COBL: variants seen among roughly 807,000 people sequenced by gnomAD.
COBL encodes the protein cordon-bleu WH2 repeat protein, also known as protein cordon-bleu.
COBL carries 51 observed loss-of-function variants against 98.8 expected under a neutral mutation model. The ratio of observed to expected loss-of-function variants is 0.52; its 90% confidence interval spans 0.41 to 0.65. The LOEUF is 0.65. Ranked by LOEUF, COBL falls within the 30% of genes least tolerant of loss-of-function variation. The pLI, the probability that COBL is intolerant of heterozygous loss-of-function variation, is 0.00. For missense variants in COBL, 1,617 were observed against 1,617.5 expected (o/e 1.00, Z 0.01); for synonymous variants, 634 against 651.7 (o/e 0.97, Z 0.41).
intron 1 of COBL, among the ~76,000 whole-genome samples, chr7:51,240,435 G>A (rs186568413): frequency 6.6e-6 from 1 of 152,356 alleles, no homozygotes; most frequent in East Asian, 1.9e-4. Context: ...TCCTTCATCA[G>A]AGCAGCCACA....
At chr7:51,118,722 A>G (rs1797498922) in intron 6 of COBL, among the ~76,000 whole-genome samples, 1 of 152,120 alleles carries the variant, frequency 6.6e-6, no homozygotes, top group African/African-American at 2.4e-5. Flanking sequence ...AGGTTCAATA[A>G]CTTCCCCAAG....
intron 2 of COBL, among the ~76,000 whole-genome samples, chr7:51,217,890 T>C (rs2129085595): frequency 6.6e-6 from 1 of 152,318 alleles, no homozygotes; most frequent in East Asian, 1.9e-4. Context: ...GCATGAACCC[T>C]GGGGGGAAAG....
chr7:51,311,277 A>G (rs1213480377), intron 1 of COBL, among the ~76,000 whole-genome samples: 1 of 152,200 alleles, frequency 6.6e-6, no homozygotes, highest in Non-Finnish European at 1.5e-5. Flanking sequence ...GAGCAGAGGG[A>G]AGCGTGCTAA....
chr7:51,264,561 C>G (rs1368233000), intron 1 of COBL, among the ~76,000 whole-genome samples: 1 of 150,750 alleles, frequency 6.6e-6, no homozygotes, highest in African/African-American at 2.4e-5. Flanking sequence ...ATCCCAGCTA[C>G]TCGGGAGGCT....
chr7:51,237,339 CATA>C (rs549719289), intron 1 of COBL, among the ~76,000 whole-genome samples: 58 of 152,264 alleles, frequency 3.8e-4, no homozygotes, highest in African/African-American at 1.3e-3. Context: ...TCTGCATCCT[CATA>C]ATAATTTGTC....
At chr7:51,203,416 C>A (rs533220712) in intron 2 of COBL, among the ~76,000 whole-genome samples, 1 of 106,310 alleles carries the variant, frequency 9.4e-6, no homozygotes, top group Non-Finnish European at 1.8e-5. Context: ...GAGCCGAGAT[C>A]GCGCCACTGC....
At chr7:51,221,579 A>G (rs772022248) in intron 1 of COBL, among the ~76,000 whole-genome samples, 3 of 152,236 alleles carry the variant, frequency 2.0e-5, no homozygotes, top group Admixed American at 6.5e-5. Flanking sequence ...AACAAGTTTC[A>G]GAATATTATT....
intron 7 of COBL, among the ~76,000 whole-genome samples, chr7:51,077,109 C>T (rs1310224463): frequency 1.3e-5 from 2 of 152,106 alleles, no homozygotes; most frequent in African/African-American, 4.8e-5. Context: ...CAAGCTGATT[C>T]GAAAGTTATG....
At chr7:51,301,033 C>T (rs1801905261) in intron 1 of COBL, among the ~76,000 whole-genome samples, 1 of 152,132 alleles carries the variant, frequency 6.6e-6, no homozygotes, top group African/African-American at 2.4e-5. Context: ...TCCCACGTGC[C>T]TCACTGTTAA....
chr7:51,021,437 C>A (rs1786923923), intron 12 of COBL, among the ~76,000 whole-genome samples: 1 of 152,152 alleles, frequency 6.6e-6, no homozygotes, highest in South Asian at 2.1e-4. Context: ...CTCAAACAAT[C>A]CTCCTACCTT....
chr7:51,170,768 A>G (rs1169464893), intron 5 of COBL, among the ~76,000 whole-genome samples: 1 of 152,034 alleles, frequency 6.6e-6, no homozygotes, highest in African/African-American at 2.4e-5. Context: ...AGAGCGGAGT[A>G]GAAGGATGGG....
intron 1 of COBL, among the ~76,000 whole-genome samples, chr7:51,307,888 T>C (rs907930937): frequency 5.3e-5 from 8 of 152,236 alleles, no homozygotes; most frequent in African/African-American, 1.4e-4. Flanking sequence ...ATTGGGTGGC[T>C]TGGCTCTTGT....
intron 1 of COBL, among the ~76,000 whole-genome samples, chr7:51,290,827 G>C (rs964960840): frequency 3.3e-5 from 5 of 152,114 alleles, no homozygotes; most frequent in Non-Finnish European, 5.9e-5. Context: ...TTGACCTCAG[G>C]TAGGAACTCC....
chr7:51,142,802 A>T (rs976723294), intron 5 of COBL, among the ~76,000 whole-genome samples: 5 of 152,230 alleles, frequency 3.3e-5, no homozygotes, highest in African/African-American at 1.2e-4. Flanking sequence ...TAGAATGCTT[A>T]ACAATGACAA....
rs115989731 is a variant in COBL at position 51,104,418 on chromosome 7, T to C, written c.958-19114A>G. Among the ~76,000 whole-genome samples, 245 of 152,318 alleles carry C rather than the reference T, an allele frequency of 1.6e-3. 2 individuals are homozygous for C. The highest frequency in any genetic ancestry group is 4.6e-3 in the African/African-American group (192 of 41,576). ...GCCCCACTCACACCCTGGAGCCAGATTGCAGGGCTTAGAGTCTGGTGTCCA... is the reference window on the plus strand; with the variant it reads ...GCCCCACTCACACCCTGGAGCCAGACTGCAGGGCTTAGAGTCTGGTGTCCA... On this transcript the variant is annotated intron_variant, in intron 6 of 12. Coordinates refer to ENST00000265136, the MANE Select transcript of COBL (RefSeq NM_015198.5).
chr7:51,072,407 A>G (rs1792649798), intron 7 of COBL: 1 of 152,194 alleles, frequency 6.6e-6, no homozygotes. Flanking sequence ...CTCACACTCA[A>G]AGAGGAGCCA....
chr7:51,173,077 C>T (rs1388531159), intron 5 of COBL, among the ~76,000 whole-genome samples: 2 of 152,148 alleles, frequency 1.3e-5, no homozygotes, highest in Non-Finnish European at 2.9e-5. Flanking sequence ...GTGTGAGCCA[C>T]CTCACCCAGC....
At chr7:51,297,703 T>C (rs1350034207) in intron 1 of COBL, among the ~76,000 whole-genome samples, 1 of 152,136 alleles carries the variant, frequency 6.6e-6, no homozygotes, top group Non-Finnish European at 1.5e-5. Context: ...TTGAAAATCT[T>C]TACATAAACA....
intron 6 of COBL, among the ~76,000 whole-genome samples, chr7:51,085,514 T>G (rs1487200659): frequency 6.6e-6 from 1 of 151,710 alleles, no homozygotes; most frequent in African/African-American, 2.4e-5. Flanking sequence ...GTCCAAGGAG[T>G]GGCCTGGAGG....
Sources: allele counts gnomAD v4.1 joint callset (sites outside exome capture counted in the v4.1 genomes callset), GRCh38; gene constraint gnomAD v4.1.1; transcripts MANE v1.5; gene names NCBI Gene and HGNC (gene_info 2026-07-23, HGNC 2026-07-21).